DOCK6: variants seen among roughly 807,000 people sequenced by gnomAD.
DOCK6 encodes the protein dedicator of cytokinesis 6, also known as dedicator of cytokinesis protein 6.
DOCK6 carries 167 observed loss-of-function variants against 230.3 expected under a neutral mutation model. The ratio of observed to expected loss-of-function variants is 0.73; its 90% CI spans 0.64 to 0.82. The LOEUF is 0.82. DOCK6 is among the 40% of genes least tolerant of loss of function. The probability of loss-of-function intolerance (pLI) is 0.00; values close to 1 mark genes in which losing one functional copy is unlikely to be tolerated. For synonymous variants in DOCK6, 1,148 were observed against 1,185.0 expected, an observed-to-expected ratio of 0.97 and a Z score of 0.64; for missense variants, 2,598 against 2,825.8, an observed-to-expected ratio of 0.92 and a Z score of 1.83.
Position 11,215,455 on chromosome 19 carries a change from C to T in DOCK6, c.4038G>A (p.Gly1346=). 1 of 1,612,690 alleles carries T rather than the reference C, an allele frequency of 6.2e-7. No individual in the cohort carries two copies. The highest frequency in any genetic ancestry group is 1.3e-5 in the African/African-American group (1 of 74,192). The part of the protein sequence containing the change: ...VRRSRERSPF[G]NPENVRWRKS... Reference sequence around the variant, plus strand: ...TCCGCCAGCGCACATTCTCCGGATTCCCAAACGGGCTCCTCTCTGAGACGC... The same window carrying T: ...TCCGCCAGCGCACATTCTCCGGATTTCCAAACGGGCTCCTCTCTGAGACGC... Residue 1346 remains glycine, a synonymous_variant, in exon 32 of 48, where the codon GGG becomes GGA. Coordinates refer to ENST00000294618, the MANE Select transcript of DOCK6 (RefSeq NM_020812.4).
intron 13 of DOCK6, among the ~76,000 whole-genome samples, chr19:11,242,638 C>T (rs941844827): frequency 3.3e-5 from 5 of 151,826 alleles, no homozygotes; most frequent in African/African-American, 1.2e-4. Context: ...GTGATCTGCC[C>T]GCCTCGGCCT....
At chr19:11,205,051 A>G (rs1359469135) in intron 39 of DOCK6, among the ~76,000 whole-genome samples, 1 of 152,152 alleles carries the variant, frequency 6.6e-6, no homozygotes, top group African/African-American at 2.4e-5. Flanking sequence ...TCCATGCCCA[A>G]CTGCCTTCTG....
intron 9 of DOCK6, among the ~76,000 whole-genome samples, chr19:11,244,966 T>G (rs1037508551): frequency 6.6e-6 from 1 of 152,070 alleles, no homozygotes; most frequent in Non-Finnish European, 1.5e-5. Context: ...AGGCCTAGAC[T>G]CCAATCCTGA....
In DOCK6 at chr19:11,256,384, T is replaced by C. The variant is rs536485936; in HGVS notation, c.45-2658A>G. 9.9e-5 allele frequency among the ~76,000 whole-genome samples: 15 copies of C among 152,248 alleles called. No homozygotes were observed. In the East Asian group the frequency reaches 2.1e-3, roughly 22 times the overall value. On this transcript the variant is annotated intron_variant, in intron 1 of 47. Transcript: ENST00000294618. ...CTCCAGCTTCCTTTTCCCCTTGGCC[T>C]TGGAGAGAGGCCCCTGCAGTGGGAA... is the stretch of plus-strand genomic sequence containing the variant.
intron 1 of DOCK6, among the ~76,000 whole-genome samples, chr19:11,262,075 C>A (rs2080299540): frequency 6.6e-6 from 1 of 152,094 alleles, no homozygotes; most frequent in African/African-American, 2.4e-5. Context: ...GCAGGGAGTT[C>A]AGGGGGCGCC....
intron 37 of DOCK6, 99 bp downstream of exon 37, chr19:11,211,677 G>A: frequency 1.0e-6 from 1 of 959,006 alleles, no homozygotes. Flanking sequence ...ATGCTCCCCT[G>A]CTCCCTCCTC....
At chr19:11,231,229 A>G (rs2079760900) in intron 22 of DOCK6, among the ~76,000 whole-genome samples, 1 of 152,166 alleles carries the variant, frequency 6.6e-6, no homozygotes, top group Non-Finnish European at 1.5e-5. Context: ...CTCTGTGCGT[A>G]CAGTCCTCTG....
intron 16 of DOCK6, 28 bp from the exon 17 acceptor site, chr19:11,237,807 T>A: frequency 3.2e-6 from 5 of 1,552,650 alleles, no homozygotes; most frequent in Non-Finnish European, 4.4e-6. Flanking sequence ...GGGGATCTGC[T>A]GGGGGCTGGG....
In DOCK6 at chr19:11,200,578, A is replaced by G; in HGVS notation, c.5940-109T>C. 6.6e-7 allele frequency: 1 copy of G among 1,519,434 alleles called. No homozygotes were observed. Among genetic ancestry groups the G allele is most frequent in the Non-Finnish European group, 8.9e-7 (1 of 1,126,700 alleles). 94.1% of individuals were successfully genotyped at this position (1,519,434 alleles called of 1,614,324 possible). A position where few individuals can be genotyped will look rare whatever the true frequency, so the allele number is the denominator to read the frequency against. The stretch of plus-strand genomic sequence containing the variant: ...GGACCAGGCCTGCAGAAAGACCCGC[A>G]ATAGGAGGTCAGGTTGGGAGAGTGG... On this transcript the variant is annotated intron_variant, in intron 46 of 47. Transcript: ENST00000294618. This position sits in a 1 kb window ranked among gnomAD's most constrained non-coding sequence, Gnocchi z 4.3.
chr19:11,235,190 A>G (rs898070201), intron 21 of DOCK6, among the ~76,000 whole-genome samples: 3 of 152,168 alleles, frequency 2.0e-5, no homozygotes, highest in African/African-American at 7.2e-5. Flanking sequence ...ACCTTGGCTC[A>G]CTGCAACCTC....
At position 11,222,432 on chromosome 19, in the gene DOCK6, G is replaced by A. The variant is rs989457640; in HGVS notation, c.3241-184C>T. Reference sequence around the variant, plus strand: ...TCAAGGCCAGAAGTGAGGGGCTGACGTTAACCCATCTGTGATGTAACAGGG... The same window carrying A: ...TCAAGGCCAGAAGTGAGGGGCTGACATTAACCCATCTGTGATGTAACAGGG... On this transcript the variant is annotated intron_variant, in intron 26 of 47. Coordinates refer to ENST00000294618, the MANE Select transcript of DOCK6 (RefSeq NM_020812.4). This position sits in a 1 kb window ranked among gnomAD's most constrained non-coding sequence, Gnocchi z 4.0. 1.6e-5 allele frequency: 14 copies of A among 851,618 alleles called. No homozygotes were observed. Among genetic ancestry groups the A allele is most frequent in the South Asian group, 5.4e-5 (3 of 55,348 alleles). 52.8% of individuals were successfully genotyped at this position (851,618 alleles called of 1,614,324 possible).
In DOCK6 at chr19:11,201,465, G is replaced by T. The variant is rs1048210781; in HGVS notation, c.5689-413C>A. 1.3e-5 allele frequency among the ~76,000 whole-genome samples: 2 copies of T among 151,780 alleles called. No individual in the cohort carries two copies. Among genetic ancestry groups the T allele is most frequent in the South Asian group, 2.1e-4 (1 of 4,796 alleles). ...TGGAGTCCCTGTGCCTCCCCTTTGTGAGTCTAGAATCCCTGGGTCCTCCTG... is the reference window on the plus strand; with the variant it reads ...TGGAGTCCCTGTGCCTCCCCTTTGTTAGTCTAGAATCCCTGGGTCCTCCTG... On this transcript the variant is annotated intron_variant, in intron 44 of 47. Coordinates refer to ENST00000294618, the MANE Select transcript of DOCK6 (RefSeq NM_020812.4). This position sits in a 1 kb window ranked among gnomAD's most constrained non-coding sequence, Gnocchi z 4.3.
intron 14 of DOCK6, chr19:11,239,940 C>T: frequency 6.3e-7 from 1 of 1,576,408 alleles, no homozygotes; most frequent in South Asian, 1.2e-5. Context: ...CTCAGGTGGG[C>T]ACCGTAGCTG....
chr19:11,249,811 T>C (rs1599282761), intron 6 of DOCK6, among the ~76,000 whole-genome samples: 2 of 130,512 alleles, frequency 1.5e-5, no homozygotes, highest in South Asian at 5.2e-4. Flanking sequence ...GGCAGGAGAA[T>C]GGCGTGAACC....
intron 37 of DOCK6, among the ~76,000 whole-genome samples, 191 bp downstream of exon 37, chr19:11,211,581 TCAGC>T (rs2079385877): frequency 4.2e-5 from 1 of 23,922 alleles, no homozygotes; most frequent in African/African-American, 1.3e-4. Flanking sequence ...ACCTGTCTGC[TCAGC>T]TGTCTGCTCA....
chr19:11,214,686 G>A, intron 32 of DOCK6, 37 bp from the exon 33 acceptor site: 1 of 1,591,766 alleles, frequency 6.3e-7, no homozygotes, highest in Non-Finnish European at 8.6e-7. Flanking sequence ...GCCCACTCGG[G>A]GTGAGATCCT....
rs772760976 is a variant in DOCK6, at chr19:11,202,061, G to T, written c.5516C>A (p.Thr1839Asn). 2 of 1,614,010 alleles carry T rather than the reference G, an allele frequency of 1.2e-6. No individual in the cohort carries two copies. The highest frequency in any genetic ancestry group is 2.2e-5 in the East Asian group (1 of 44,870). Residue 1839 changes from threonine (T) to asparagine (N), a missense_variant, in exon 44 of 48, where the codon ACC becomes AAC. Transcript: ENST00000294618. The surrounding 1 kb of genome is among the most constrained non-coding windows in gnomAD (Gnocchi z 5.3). ...FDTYELKDRV[T>N]YFDRNYGLRT... ...AAGCCCATAGTTGCGGTCAAAGTAGGTCACCCGGTCCTTGAGCTCGTAGGT... is the reference window on the plus strand; with the variant it reads ...AAGCCCATAGTTGCGGTCAAAGTAGTTCACCCGGTCCTTGAGCTCGTAGGT...
chr19:11,216,555 G>A (rs915347941), intron 30 of DOCK6: 13 of 238,998 alleles, frequency 5.4e-5, no homozygotes, highest in South Asian at 1.5e-4. Context: ...CTACAGGTGC[G>A]CGCCACCACA....
chr19:11,237,743 A>G lies in DOCK6; in HGVS notation c.1869T>C (p.Leu623=), dbSNP rs760044230. The G allele has an allele frequency of 6.3e-7, 1 of 1,578,016 alleles. No individual in the cohort carries two copies. Among genetic ancestry groups the G allele is most frequent in the South Asian group, 1.2e-5 (1 of 85,732 alleles). The part of the protein sequence containing the change: ...PEFYEEFKLH[L]PACVTENHHL... The stretch of plus-strand genomic sequence containing the variant: ...GATGGTTCTCTGTCACGCAGGCTGG[A>G]AGATGCAGCTTGAACTCCTCGTAGA... The change falls in exon 17 of 48, where the codon CTT becomes CTC. Residue 623 remains leucine, a synonymous_variant. Transcript: ENST00000294618.
Sources: gnomAD v4.1 joint callset for allele counts (sites outside exome capture counted in the v4.1 genomes callset) on GRCh38, gnomAD v4.1.1 for gene constraint, Gnocchi (gnomAD v3.1) non-coding constraint, MANE v1.5 for transcripts, NCBI Gene and HGNC (gene_info 2026-07-23, HGNC 2026-07-21) for gene names.